MAN1A2: variants seen among roughly 807,000 people sequenced by gnomAD.
MAN1A2 encodes the protein mannosyl-oligosaccharide 1,2-alpha-mannosidase IB.
A neutral mutation model predicts 75.7 loss-of-function variants in MAN1A2; 26 were observed. The ratio of observed to expected loss-of-function variants is 0.34; its 90% CI spans 0.25 to 0.48. MAN1A2 has a LOEUF of 0.48. MAN1A2 is among the 20% of genes least tolerant of loss of function. The pLI, the probability that MAN1A2 is intolerant of heterozygous loss-of-function variation, is 0.99. For missense variants in MAN1A2, 562 were observed against 775.5 expected (o/e 0.72, Z 3.27); for synonymous variants, 247 against 264.6 (o/e 0.93, Z 0.65).
chr1:117,429,958 A>C (rs1434427283), intron 5 of MAN1A2, among the ~76,000 whole-genome samples: 2 of 68,232 alleles, frequency 2.9e-5, no homozygotes, highest in Admixed American at 1.3e-4. Flanking sequence ...TCACCTCCAG[A>C]CGGGGCGGCT....
intron 6 of MAN1A2, among the ~76,000 whole-genome samples, chr1:117,447,705 T>C (rs888760088): frequency 6.6e-6 from 1 of 152,202 alleles, no homozygotes; most frequent in African/African-American, 2.4e-5. Flanking sequence ...ATTCAGTAGA[T>C]AGCCTTTTTA....
intron 4 of MAN1A2, among the ~76,000 whole-genome samples, chr1:117,415,595 A>G (rs1398462386): frequency 2.0e-5 from 3 of 152,178 alleles, no homozygotes; most frequent in Non-Finnish European, 4.4e-5. Flanking sequence ...TTTATTATCA[A>G]TTAAGTTTAG....
chr1:117,443,582 G>C (rs1387611034), intron 6 of MAN1A2, among the ~76,000 whole-genome samples: 4 of 151,854 alleles, frequency 2.6e-5, no homozygotes, highest in Non-Finnish European at 4.4e-5. Context: ...TAGAGGAAAA[G>C]AACTTGAAAA....
rs558442176 is a variant in MAN1A2, at chr1:117,413,704, A to G, written c.656-1009A>G. ...TGAGCAAGAGCTCCTGGAACAGTAAATTCATGTTGTTGAAGACAATGTAAT... is the reference window on the plus strand; with the variant it reads ...TGAGCAAGAGCTCCTGGAACAGTAAGTTCATGTTGTTGAAGACAATGTAAT... On this transcript the variant is annotated intron_variant, in intron 3 of 12. Coordinates refer to ENST00000356554, the MANE Select transcript of MAN1A2 (RefSeq NM_006699.5). 7.2e-5 allele frequency among the ~76,000 whole-genome samples: 11 copies of G among 152,064 alleles called. No homozygotes were observed. The South Asian group carries it at 2.3e-3, about 32-fold the overall frequency.
intron 5 of MAN1A2, among the ~76,000 whole-genome samples, chr1:117,440,993 A>G (rs1649011717): frequency 6.6e-6 from 1 of 152,132 alleles, no homozygotes; most frequent in African/African-American, 2.4e-5. Context: ...TACAACTTTG[A>G]CTTTAAATTA....
chr1:117,463,512 C>T (rs542956667), intron 7 of MAN1A2, among the ~76,000 whole-genome samples: 2 of 69,180 alleles, frequency 2.9e-5, no homozygotes, highest in East Asian at 6.0e-4. Context: ...GGGAGAAACA[C>T]ACACATACAC....
chr1:117,385,459 C>G (rs1169286407), intron 1 of MAN1A2, among the ~76,000 whole-genome samples: 1 of 150,990 alleles, frequency 6.6e-6, no homozygotes, highest in Non-Finnish European at 1.5e-5. Context: ...TGCATTCCAC[C>G]CTATTCTCAT....
At chr1:117,493,019 A>T (rs1222920364) in intron 8 of MAN1A2, 128 bp from the exon 9 acceptor site, 1 of 599,870 alleles carries the variant, frequency 1.7e-6, no homozygotes, top group Non-Finnish European at 3.0e-6. Context: ...TATGTTGGAA[A>T]TAGGGTTGTC....
intron 6 of MAN1A2, among the ~76,000 whole-genome samples, chr1:117,449,452 G>C (rs1649338361): frequency 6.6e-6 from 1 of 151,820 alleles, no homozygotes; most frequent in Admixed American, 6.6e-5. Context: ...CCAGTTACTT[G>C]GGAAGCCAAG....
At chr1:117,387,246 G>A (rs1231309165) in intron 1 of MAN1A2, among the ~76,000 whole-genome samples, 1 of 150,214 alleles carries the variant, frequency 6.7e-6, no homozygotes, top group Non-Finnish European at 1.5e-5. Flanking sequence ...CAAAGTAACA[G>A]GTGTTGGAGT....
chr1:117,389,058 C>G (rs968244777), intron 1 of MAN1A2, among the ~76,000 whole-genome samples: 2 of 152,100 alleles, frequency 1.3e-5, no homozygotes, highest in African/African-American at 4.8e-5. Context: ...AAATCCACTT[C>G]AACTTTTATC....
At chr1:117,427,978 A>C (rs1474506131) in intron 5 of MAN1A2, among the ~76,000 whole-genome samples, 1 of 152,258 alleles carries the variant, frequency 6.6e-6, no homozygotes, top group East Asian at 1.9e-4. Context: ...AAGTTACACC[A>C]TATTACTCTT....
At chr1:117,410,887 A>G (rs1048594875) in intron 3 of MAN1A2, among the ~76,000 whole-genome samples, 1 of 151,878 alleles carries the variant, frequency 6.6e-6, no homozygotes, top group Non-Finnish European at 1.5e-5. Flanking sequence ...CTATATGTGT[A>G]TAAATTTGAC....
At chr1:117,429,554 G>A (rs868544452) in intron 5 of MAN1A2, among the ~76,000 whole-genome samples, 1,027 of 81,174 alleles carry the variant, frequency 0.013, 2 homozygotes, top group Middle Eastern at 0.022. Flanking sequence ...CCTCCCTCCC[G>A]GACGGGGCGG....
chr1:117,467,601 A>G (rs533796219), intron 8 of MAN1A2, among the ~76,000 whole-genome samples: 1 of 152,078 alleles, frequency 6.6e-6, no homozygotes, highest in African/African-American at 2.4e-5. Flanking sequence ...AAGAAGATAA[A>G]AGCTCTAATG....
At chr1:117,400,300 C>G (rs151320095) in intron 1 of MAN1A2, among the ~76,000 whole-genome samples, 2 of 151,950 alleles carry the variant, frequency 1.3e-5, no homozygotes, top group African/African-American at 4.8e-5. Flanking sequence ...TTTCTCTTAT[C>G]AGCACCTTTT....
chr1:117,374,251 T>G (rs186038554), intron 1 of MAN1A2, among the ~76,000 whole-genome samples: 1 of 152,264 alleles, frequency 6.6e-6, no homozygotes, highest in Non-Finnish European at 1.5e-5. Context: ...TAGCTATGAT[T>G]GTGTCCGTGC....
intron 1 of MAN1A2, among the ~76,000 whole-genome samples, chr1:117,382,358 A>C (rs1431410529): frequency 6.6e-6 from 1 of 152,136 alleles, no homozygotes; most frequent in Non-Finnish European, 1.5e-5. Flanking sequence ...TAATTTTTGT[A>C]TAAGGTGTAA....
chr1:117,454,837 C>T (rs993383452), intron 6 of MAN1A2, among the ~76,000 whole-genome samples: 1 of 152,080 alleles, frequency 6.6e-6, no homozygotes, highest in African/African-American at 2.4e-5. Context: ...ACGTGAAGCC[C>T]TTACATTATA....
Sources: allele counts gnomAD v4.1 joint callset (sites outside exome capture counted in the v4.1 genomes callset), GRCh38; gene constraint gnomAD v4.1.1; transcripts MANE v1.5; gene names NCBI Gene and HGNC (gene_info 2026-07-23, HGNC 2026-07-21).